The following CDH23 variants were observed in gnomAD, a reference collection of about 807,000 sequenced individuals.
CDH23 encodes cadherin related 23, also known as cadherin-23.
A neutral mutation model predicts 317.1 loss-of-function variants in CDH23; 189 were observed. The ratio of observed to expected loss-of-function variants is 0.60; its 90% confidence interval spans 0.53 to 0.67. The LOEUF (loss-of-function observed/expected upper bound fraction) is 0.67, where lower values mean the gene tolerates loss of function less well. CDH23 is among the 30% of genes least tolerant of loss of function. CDH23 has a pLI of 0.00. For missense variants in CDH23, 4,401 were observed against 4,592.4 expected (o/e 0.96, Z 1.20); for synonymous variants, 1,839 against 1,876.8 (o/e 0.98, Z 0.52).
At position 71,739,673 on chromosome 10, in the gene CDH23, C is replaced by T. The variant is rs753238621; in HGVS notation, c.4389C>T (p.Ile1463=). 8.7e-6 allele frequency: 14 copies of T among 1,613,020 alleles called. No homozygotes were observed. In the East Asian group the frequency reaches 8.9e-5, roughly 10 times the overall value. The change falls in exon 36 of 70, where the codon ATC becomes ATT. Residue 1463 remains isoleucine (I), a synonymous_variant. Coordinates refer to ENST00000224721, the MANE Select transcript of CDH23 (RefSeq NM_022124.6). ...QVVFSLASGN[I]AGAFEIVTTN... ...TCTTCTCCCTGGCCTCTGGCAACATCGCGGGGGCCTTTGAGATCGTCACCA... is the reference window on the plus strand; with the variant it reads ...TCTTCTCCCTGGCCTCTGGCAACATTGCGGGGGCCTTTGAGATCGTCACCA...
chr10:71,732,569 G>A, intron 32 of CDH23, 194 bp downstream of exon 32: 1 of 1,293,934 alleles, frequency 7.7e-7, no homozygotes, highest in Non-Finnish European at 1.0e-6. Context: ...GAGTTTGGAG[G>A]CTGCAGTGAG....
intron 13 of CDH23, among the ~76,000 whole-genome samples, chr10:71,646,241 A>G (rs1431737800): frequency 6.6e-6 from 1 of 152,216 alleles, no homozygotes; most frequent in Non-Finnish European, 1.5e-5. Flanking sequence ...ATCTCCTGCC[A>G]GATCAGCCCC....
intron 3 of CDH23, among the ~76,000 whole-genome samples, chr10:71,460,494 C>T (rs146089436): frequency 2.0e-4 from 31 of 152,354 alleles, no homozygotes; most frequent in African/African-American, 3.1e-4. Flanking sequence ...TGCTGGCGTC[C>T]GACTGGAGTG....
intron 38 of CDH23, chr10:71,773,603 C>G (rs1049953225): frequency 3.6e-6 from 2 of 561,052 alleles, no homozygotes; most frequent in South Asian, 3.2e-5. Flanking sequence ...CCCCGGGGGG[C>G]CGTGTGGGGG....
At chr10:71,786,488 CTT>C (rs71018221) in intron 44 of CDH23, among the ~76,000 whole-genome samples, 3 of 105,372 alleles carry the variant, frequency 2.8e-5, no homozygotes, top group Admixed American at 1.1e-4. Context: ...GCTTCCTACT[CTT>C]TTTTTTTTTT....
chr10:71,408,389 AAG>A (rs1848207134), intron 1 of CDH23, among the ~76,000 whole-genome samples: 1 of 146,228 alleles, frequency 6.8e-6, no homozygotes, highest in African/African-American at 2.8e-5. Flanking sequence ...GAGAGAGAGA[AAG>A]AGAGAGAATT....
chr10:71,809,918 A>G lies in CDH23; in HGVS notation c.8821A>G (p.Asn2941Asp), dbSNP rs778682842. 5.6e-6 allele frequency: 9 copies of G among 1,613,070 alleles called. No homozygotes were observed. Among genetic ancestry groups the G allele is most frequent in the South Asian group, 5.5e-5 (5 of 91,086 alleles). Reference protein sequence around the residue: ...DIVARDLAGHNDTAIIGIYIL... With the variant: ...DIVARDLAGHDDTAIIGIYIL... ...TGTGGCCCGAGACCTGGCAGGCCAC[A>G]ACGACACGGCCATCATCGGCATCTA... Residue 2941 changes from asparagine to aspartate, a missense_variant, in exon 61 of 70, where the codon AAC (asparagine) becomes GAC (aspartate). This residue lies in a region of CDH23 where 1,144 missense variants were observed against 1,138.2 expected (regional missense o/e 1.01). Transcript: ENST00000224721.
At chr10:71,448,703 G>A (rs1240927469) in intron 3 of CDH23, among the ~76,000 whole-genome samples, 1 of 152,194 alleles carries the variant, frequency 6.6e-6, no homozygotes, top group African/African-American at 2.4e-5. Context: ...TTGGAAAGAT[G>A]AGCCCAGTGG....
chr10:71,725,317 A>G (rs758475187), intron 29 of CDH23, 55 bp from the exon 30 acceptor site: 2 of 1,613,280 alleles, frequency 1.2e-6, no homozygotes, highest in Non-Finnish European at 1.7e-6. Flanking sequence ...AGGCCAGCAC[A>G]GCAGGAGACT....
At chr10:71,447,026 C>A (rs1850203606) in intron 3 of CDH23, among the ~76,000 whole-genome samples, 1 of 152,202 alleles carries the variant, frequency 6.6e-6, no homozygotes, top group South Asian at 2.1e-4. Context: ...AGCCAAACAG[C>A]AGCACCTGAA....
At chr10:71,432,973 C>A (rs1538809) in intron 1 of CDH23, among the ~76,000 whole-genome samples, 54,623 of 152,008 alleles carry the variant, frequency 0.36, 12,219 homozygotes, top group East Asian at 0.49. Flanking sequence ...CAGGACAGTG[C>A]GGGAGAGAAC....
intron 3 of CDH23, among the ~76,000 whole-genome samples, chr10:71,467,603 A>G (rs1308790844): frequency 3.9e-5 from 6 of 152,148 alleles, no homozygotes; most frequent in Non-Finnish European, 8.8e-5. Flanking sequence ...TGGGGGGTTC[A>G]AATCTGACTC....
At chr10:71,621,664 A>G (rs1861471905) in intron 11 of CDH23, among the ~76,000 whole-genome samples, 1 of 152,224 alleles carries the variant, frequency 6.6e-6, no homozygotes, top group African/African-American at 2.4e-5. Flanking sequence ...CAGAAAGGGA[A>G]GGAAGAAGCA....
intron 3 of CDH23, among the ~76,000 whole-genome samples, chr10:71,490,657 C>T (rs934620778): frequency 2.6e-5 from 4 of 152,220 alleles, no homozygotes; most frequent in African/African-American, 2.4e-5. Flanking sequence ...TGGCTCAGAA[C>T]AGGCCACCCT....
intron 52 of CDH23, 100 bp downstream of exon 52, chr10:71,799,729 G>T (rs1841506233): frequency 6.6e-7 from 1 of 1,516,670 alleles, no homozygotes; most frequent in Admixed American, 1.7e-5. Context: ...TCTGGGTCTT[G>T]TCGCCTGGAC....
chr10:71,756,765 T>G (rs1361265701), intron 38 of CDH23, among the ~76,000 whole-genome samples: 1 of 152,224 alleles, frequency 6.6e-6, no homozygotes, highest in East Asian at 1.9e-4. Context: ...GGATACCTTG[T>G]CACAGTGTCA....
rs991980674 is a variant in CDH23, at chr10:71,701,918, G to A, written c.2398-104G>A. 4.9e-5 allele frequency: 60 copies of A among 1,217,476 alleles called. No individual in the cohort carries two copies. In the African/African-American group the frequency reaches 7.4e-4, roughly 15 times the overall value. 75.4% of individuals were successfully genotyped at this position (1,217,476 alleles called of 1,614,324 possible). ...CCACTTCCTGGGCCAGAGCCAGGAT[G>A]TCCCCTCCCCAGGACCAACGTCTGA... On this transcript the variant is annotated intron_variant, in intron 22 of 69. Transcript: ENST00000224721.
chr10:71,404,695 C>T (rs1312314064), intron 1 of CDH23, among the ~76,000 whole-genome samples: 1 of 152,240 alleles, frequency 6.6e-6, no homozygotes, highest in Non-Finnish European at 1.5e-5. Context: ...CTTTCAGACC[C>T]CAGCAGCCCC....
At chr10:71,734,202 C>G (rs375759451) in intron 32 of CDH23, 38 bp from the exon 33 acceptor site, 4 of 1,514,084 alleles carry the variant, frequency 2.6e-6, no homozygotes, top group Admixed American at 1.9e-5. Context: ...AACAAGGGTG[C>G]GATGTTGTCA....
Sources: gnomAD v4.1 joint callset for allele counts (sites outside exome capture counted in the v4.1 genomes callset) on GRCh38, gnomAD v4.1.1 for gene constraint, gnomAD v4.1.1 regional missense constraint, MANE v1.5 for transcripts, NCBI Gene and HGNC (gene_info 2026-07-23, HGNC 2026-07-21) for gene names.